The following FAM171A1 variants were observed in gnomAD, a reference collection of about 807,000 sequenced individuals.
FAM171A1 encodes family with sequence similarity 171 member A1.
FAM171A1 carries 23 observed loss-of-function variants against 74.9 expected under a neutral mutation model. That is an observed-to-expected ratio of 0.31 (90% CI 0.22 to 0.44). The LOEUF (loss-of-function observed/expected upper bound fraction) is 0.44, where lower values mean the gene tolerates loss of function less well. Among genes scored for constraint, FAM171A1 ranks in the 20% least tolerant of loss-of-function variants. FAM171A1 has a pLI of 1.00. For synonymous variants in FAM171A1, 527 were observed against 505.7 expected (o/e 1.04, Z -0.57); for missense variants, 1,162 against 1,159.2 (o/e 1.00, Z -0.03).
At chr10:15,257,110 C>T (rs902140510) in intron 3 of FAM171A1, among the ~76,000 whole-genome samples, 3 of 152,132 alleles carry the variant, frequency 2.0e-5, no homozygotes, top group African/African-American at 7.2e-5. Context: ...AGGAAGAGAA[C>T]AAGAATGGTG....
chr10:15,239,304 T>TTA (rs1340907178), intron 5 of FAM171A1, among the ~76,000 whole-genome samples: 1 of 152,004 alleles, frequency 6.6e-6, no homozygotes, highest in Non-Finnish European at 1.5e-5. Context: ...ATTTATTTAT[T>TTA]TTTATTTTTA....
intron 1 of FAM171A1, among the ~76,000 whole-genome samples, chr10:15,343,682 C>T (rs1006351843): frequency 1.3e-5 from 2 of 152,152 alleles, no homozygotes; most frequent in Admixed American, 6.5e-5. Flanking sequence ...ATCCAGACAA[C>T]AGCCACTGCA....
At chr10:15,285,704 C>T (rs897945297) in intron 1 of FAM171A1, among the ~76,000 whole-genome samples, 6 of 152,176 alleles carry the variant, frequency 3.9e-5, no homozygotes, top group Non-Finnish European at 7.3e-5. Context: ...TTTTGAGCTG[C>T]CTCTGATCTG....
intron 1 of FAM171A1, among the ~76,000 whole-genome samples, chr10:15,312,653 G>A (rs923030636): frequency 3.3e-5 from 4 of 122,382 alleles, no homozygotes; most frequent in Non-Finnish European, 6.4e-5. Context: ...TCAACTACTG[G>A]AATGAGTTCA....
intron 3 of FAM171A1, among the ~76,000 whole-genome samples, chr10:15,273,488 T>G (rs957847177): frequency 6.6e-6 from 1 of 152,204 alleles, no homozygotes; most frequent in African/African-American, 2.4e-5. Flanking sequence ...TACCATTCCT[T>G]GTAAAACTAT....
intron 1 of FAM171A1, among the ~76,000 whole-genome samples, chr10:15,334,817 T>C (rs1835681814): frequency 6.6e-6 from 1 of 152,234 alleles, no homozygotes; most frequent in Admixed American, 6.5e-5. Context: ...CTGGAGACAG[T>C]AGCTGAATAC....
chr10:15,226,277 G>A (rs1201538554), intron 5 of FAM171A1, among the ~76,000 whole-genome samples: 2 of 152,318 alleles, frequency 1.3e-5, no homozygotes, highest in East Asian at 3.9e-4. Context: ...TCCAATCAAC[G>A]CCTATGGCTG....
At chr10:15,370,565 C>CGGGCGGCGCGCCCT (rs1204511270) in intron 1 of FAM171A1, among the ~76,000 whole-genome samples, 1 of 151,986 alleles carries the variant, frequency 6.6e-6, no homozygotes, top group Non-Finnish European at 1.5e-5. Context: ...GGAGCGCGAT[C>CGGGCGGCGCGCCCT]GGGCGGCGCG....
chr10:15,367,963 G>C (rs1460218190), intron 1 of FAM171A1, among the ~76,000 whole-genome samples: 1 of 152,166 alleles, frequency 6.6e-6, no homozygotes, highest in Non-Finnish European at 1.5e-5. Context: ...GCTCCTCCAG[G>C]ACAGCTCTCT....
chr10:15,357,110 C>T (rs1340657591), intron 1 of FAM171A1, among the ~76,000 whole-genome samples: 2 of 151,982 alleles, frequency 1.3e-5, no homozygotes, highest in East Asian at 3.9e-4. Flanking sequence ...GAAACCCTGT[C>T]TCTACTAAAA....
At chr10:15,289,735 G>A (rs1465818261) in intron 1 of FAM171A1, among the ~76,000 whole-genome samples, 1 of 152,198 alleles carries the variant, frequency 6.6e-6, no homozygotes, top group African/African-American at 2.4e-5. Context: ...CTGCCCTCAG[G>A]CCAAATGTGG....
chr10:15,311,657 G>C (rs535914803), intron 1 of FAM171A1, among the ~76,000 whole-genome samples: 29 of 151,814 alleles, frequency 1.9e-4, no homozygotes, highest in African/African-American at 6.8e-4. Flanking sequence ...CAGCCCCCTA[G>C]TAAGCCGCCC....
intron 1 of FAM171A1, among the ~76,000 whole-genome samples, chr10:15,285,758 G>A (rs142518517): frequency 3.3e-5 from 5 of 152,326 alleles, no homozygotes; most frequent in African/African-American, 4.8e-5. Flanking sequence ...AGCAAAAAGC[G>A]AGGAGGTGGC....
intron 5 of FAM171A1, among the ~76,000 whole-genome samples, chr10:15,234,080 G>C (rs1471895498): frequency 6.6e-6 from 1 of 151,966 alleles, no homozygotes; most frequent in African/African-American, 2.4e-5. Context: ...CCCAAGGACG[G>C]GCCCTCTCCT....
chr10:15,302,515 A>C (rs1360463619), intron 1 of FAM171A1, among the ~76,000 whole-genome samples: 2 of 151,940 alleles, frequency 1.3e-5, no homozygotes, highest in Non-Finnish European at 2.9e-5. Flanking sequence ...CAAAAAAAAA[A>C]AAAAAAAACC....
chr10:15,226,905 C>G (rs998042882), intron 5 of FAM171A1, among the ~76,000 whole-genome samples: 3 of 152,122 alleles, frequency 2.0e-5, no homozygotes, highest in African/African-American at 7.2e-5. Context: ...GAGCTGTATG[C>G]TATTGGGAAA....
intron 5 of FAM171A1, among the ~76,000 whole-genome samples, chr10:15,235,802 C>CA (rs1277708460): frequency 6.6e-6 from 1 of 152,172 alleles, no homozygotes; most frequent in Admixed American, 6.5e-5. Context: ...TCCCAGGCCT[C>CA]AAAGAAGCGG....
rs1290535497 is a variant in FAM171A1 at position 15,284,048 on chromosome 10, G to A, written c.155C>T (p.Ala52Val). 1.1e-5 allele frequency: 18 copies of A among 1,613,838 alleles called. No individual in the cohort carries two copies. Among genetic ancestry groups the A allele is most frequent in the African/African-American group, 5.3e-5 (4 of 74,906 alleles). The change falls in exon 2 of 8, where the codon GCG (alanine) becomes GTG (valine). Residue 52 changes from alanine to valine, a missense_variant. Coordinates refer to ENST00000378116, the MANE Select transcript of FAM171A1 (RefSeq NM_001010924.2). ...CTGGTTGGTGAAGATCTCGATGAGC[G>A]CATCTGCTACGGGCTGGTGGGTGCT... ...DASTHQPVAD[A>V]LIEIFTNQAS...
intron 3 of FAM171A1, among the ~76,000 whole-genome samples, chr10:15,258,612 T>C (rs1834613702): frequency 6.6e-6 from 1 of 152,186 alleles, no homozygotes; most frequent in Admixed American, 6.5e-5. Context: ...GTGATGTGGC[T>C]TCTACCCACA....
Sources: gnomAD v4.1 joint callset for allele counts (sites outside exome capture counted in the v4.1 genomes callset) on GRCh38, gnomAD v4.1.1 for gene constraint, MANE v1.5 for transcripts, NCBI Gene and HGNC (gene_info 2026-07-23, HGNC 2026-07-21) for gene names.